PXDNL: variants seen among roughly 807,000 people sequenced by gnomAD.
The protein encoded by PXDNL is probable oxidoreductase PXDNL.
A neutral mutation model predicts 150.8 loss-of-function variants in PXDNL; 145 were observed. The observed-to-expected ratio is 0.96, with a 90% CI of 0.84 to 1.10. The LOEUF (loss-of-function observed/expected upper bound fraction) is 1.10. Ranked by LOEUF, PXDNL falls within the 50% of genes least tolerant of loss-of-function variation. The probability of loss-of-function intolerance (pLI) is 0.00; values close to 1 mark genes in which losing one functional copy is unlikely to be tolerated. For synonymous variants in PXDNL, 757 were observed against 725.7 expected (o/e 1.04, Z -0.69); for missense variants, 2,087 against 1,873.9 (o/e 1.11, Z -2.10).
At chr8:51,450,842 G>A (rs180813183) in intron 10 of PXDNL, among the ~76,000 whole-genome samples, 38 of 152,172 alleles carry the variant, frequency 2.5e-4, no homozygotes, top group Admixed American at 2.4e-3. Context: ...AATTTCTCTC[G>A]GTCAGAACTA....
At chr8:51,565,728 A>G (rs886824367) in intron 3 of PXDNL, among the ~76,000 whole-genome samples, 1 of 151,910 alleles carries the variant, frequency 6.6e-6, no homozygotes, top group Non-Finnish European at 1.5e-5. Flanking sequence ...CTATCAGTCT[A>G]TGTGCATCAG....
chr8:51,424,888 A>G (rs1418772441), intron 13 of PXDNL, among the ~76,000 whole-genome samples: 1 of 152,168 alleles, frequency 6.6e-6, no homozygotes, highest in Non-Finnish European at 1.5e-5. Context: ...ATGCTTGAAA[A>G]CAAGTCCAGG....
intron 2 of PXDNL, among the ~76,000 whole-genome samples, chr8:51,608,856 A>G (rs1034317473): frequency 4.0e-5 from 6 of 151,318 alleles, no homozygotes; most frequent in East Asian, 1.9e-4. Context: ...AAAAAAAAAA[A>G]AAAGAAAGTA....
chr8:51,412,020 T>C (rs974676601), intron 15 of PXDNL, among the ~76,000 whole-genome samples: 5 of 152,244 alleles, frequency 3.3e-5, no homozygotes, highest in African/African-American at 7.2e-5. Flanking sequence ...TGATGAGATG[T>C]TGACCTATTA....
chr8:51,455,906 T>A (rs1047546071), intron 9 of PXDNL, among the ~76,000 whole-genome samples: 4 of 152,168 alleles, frequency 2.6e-5, no homozygotes, highest in African/African-American at 7.2e-5. Flanking sequence ...AACATTTTTT[T>A]AAATAAATTA....
At position 51,654,544 on chromosome 8, in the gene PXDNL, A is replaced by T. The variant is rs368837588; in HGVS notation, c.236+145T>A. 2.5e-4 allele frequency: 156 copies of T among 634,130 alleles called. 2 individuals carry two copies. The South Asian group carries it at 2.7e-3, about 11-fold the overall frequency. 39.3% of individuals were successfully genotyped at this position (634,130 alleles called of 1,614,324 possible). ...AAAAACATAGGCAGTGTAAAGAAGC[A>T]GCAGAATTTTCCCAGTTATAAGACA... On this transcript the variant is annotated intron_variant, in intron 2 of 22. Coordinates refer to ENST00000356297, the MANE Select transcript of PXDNL (RefSeq NM_144651.5).
intron 1 of PXDNL, among the ~76,000 whole-genome samples, chr8:51,739,052 AT>A (rs1236214277): frequency 6.6e-6 from 1 of 152,188 alleles, no homozygotes; most frequent in Non-Finnish European, 1.5e-5. Flanking sequence ...CCCACGACCA[AT>A]TGAAATTTAT....
chr8:51,464,598 T>C (rs145700089), intron 8 of PXDNL, among the ~76,000 whole-genome samples: 74 of 152,184 alleles, frequency 4.9e-4, no homozygotes, highest in African/African-American at 1.8e-3. Flanking sequence ...AAATGGACAA[T>C]TCCCATAAAC....
Position 51,565,321 on chromosome 8 carries a change from A to AATAGATAGATAGATAG in PXDNL, c.309-8426_309-8411dup, listed in dbSNP as rs367721031. On this transcript the variant is annotated intron_variant, in intron 3 of 22. Coordinates refer to ENST00000356297, the MANE Select transcript of PXDNL (RefSeq NM_144651.5). The stretch of plus-strand genomic sequence containing the variant: ...AAATAAATAAATAAATAAATAAATA[A>AATAGATAGATAGATAG]ATAGATAGATAGATAGATAGATAAA... Among the ~76,000 whole-genome samples the AATAGATAGATAGATAG allele has an allele frequency of 4.4e-3, 593 of 135,568 alleles. 4 individuals carry two copies. Among genetic ancestry groups the AATAGATAGATAGATAG allele is most frequent in the African/African-American group, 0.017 (545 of 31,188 alleles). The allele number at this position is 135,568 out of a possible 152,430, so 88.9% of individuals were successfully genotyped here. A position where few individuals can be genotyped will look rare whatever the true frequency, so the allele number is the denominator to read the frequency against.
intron 2 of PXDNL, among the ~76,000 whole-genome samples, chr8:51,639,686 G>A (rs1814697968): frequency 2.0e-5 from 3 of 152,166 alleles, no homozygotes; most frequent in Non-Finnish European, 2.9e-5. Context: ...ACCAGTAACA[G>A]GAGCTGAAAT....
chr8:51,552,098 G>A (rs1373225540), intron 4 of PXDNL, among the ~76,000 whole-genome samples: 1 of 152,152 alleles, frequency 6.6e-6, no homozygotes, highest in Non-Finnish European at 1.5e-5. Flanking sequence ...CTCATTATCA[G>A]GAAAATGCAA....
chr8:51,523,580 C>A (rs971323921), intron 4 of PXDNL, among the ~76,000 whole-genome samples: 2 of 152,194 alleles, frequency 1.3e-5, no homozygotes, highest in Admixed American at 6.5e-5. Context: ...CAGAAGAATT[C>A]AGCTAGATGA....
intron 1 of PXDNL, among the ~76,000 whole-genome samples, chr8:51,739,323 A>C (rs892883649): frequency 8.5e-5 from 13 of 152,204 alleles, no homozygotes; most frequent in Admixed American, 3.9e-4. Flanking sequence ...GATTTCTTCT[A>C]AGATCAAGAA....
At chr8:51,737,873 C>A (rs960769103) in intron 1 of PXDNL, among the ~76,000 whole-genome samples, 1 of 152,100 alleles carries the variant, frequency 6.6e-6, no homozygotes, top group African/African-American at 2.4e-5. Context: ...TCACTGAATA[C>A]CTGTCCCTGT....
intron 4 of PXDNL, among the ~76,000 whole-genome samples, chr8:51,510,453 C>A (rs1811387911): frequency 6.6e-6 from 1 of 152,156 alleles, no homozygotes; most frequent in African/African-American, 2.4e-5. Flanking sequence ...TTTCCTCCAA[C>A]ACAGTGGAGT....
intron 1 of PXDNL, among the ~76,000 whole-genome samples, chr8:51,696,825 A>AAGTC: frequency 6.7e-6 from 1 of 148,830 alleles, no homozygotes; most frequent in East Asian, 2.0e-4. Flanking sequence ...ACACACACAC[A>AAGTC]CACACACACA....
rs1805292093 is a variant in PXDNL, at chr8:51,320,776, G to A, written c.4260+8C>T. ...GGGGAGTTGGACTGGAAAACTCGCA[G>A]CACAAACCTCACAAATGCAGTGAGT... is the stretch of plus-strand genomic sequence containing the variant. On this transcript the variant is annotated splice_region_variant and intron_variant, in intron 22 of 22. Coordinates refer to ENST00000356297, the MANE Select transcript of PXDNL (RefSeq NM_144651.5). The A allele has an allele frequency of 2.5e-6, 4 of 1,607,142 alleles. No homozygotes were observed. The highest frequency in any genetic ancestry group is 3.4e-6 in the Non-Finnish European group (4 of 1,174,420).
At chr8:51,676,387 C>T (rs1280154586) in intron 1 of PXDNL, among the ~76,000 whole-genome samples, 1 of 152,150 alleles carries the variant, frequency 6.6e-6, no homozygotes, top group Non-Finnish European at 1.5e-5. Flanking sequence ...AGCAATTCTC[C>T]TGCCTCAGCC....
In PXDNL at chr8:51,480,353, G is replaced by A. The variant is rs778750709; in HGVS notation, c.524+3290C>T. 8.8e-4 allele frequency among the ~76,000 whole-genome samples: 134 copies of A among 152,190 alleles called. 1 individual carries two copies. The highest frequency in any genetic ancestry group is 1.9e-4 in the Non-Finnish European group (13 of 68,036). On this transcript the variant is annotated intron_variant, in intron 6 of 22. Coordinates refer to ENST00000356297, the MANE Select transcript of PXDNL (RefSeq NM_144651.5). The stretch of plus-strand genomic sequence containing the variant: ...TTAGCTCTGGGGGAGGCCTCAGGAA[G>A]CTTTTACTCATGGCGGAAGGAGGAG...
Sources: allele counts gnomAD v4.1 joint callset (sites outside exome capture counted in the v4.1 genomes callset), GRCh38; gene constraint gnomAD v4.1.1; transcripts MANE v1.5; gene names NCBI Gene and HGNC (gene_info 2026-07-23, HGNC 2026-07-21).